The following ELF2 variants were observed in gnomAD, a reference collection of about 807,000 sequenced individuals.
The protein encoded by ELF2 is ETS-related transcription factor Elf-2.
Under a neutral mutation model 54.8 loss-of-function variants are expected in ELF2, and 11 were observed. That is an observed-to-expected ratio of 0.20 (90% CI 0.13 to 0.33). The LOEUF is 0.33. ELF2 is among the 10% of genes least tolerant of loss of function. ELF2 has a pLI of 1.00. For missense variants in ELF2, 513 were observed against 703.0 expected, an observed-to-expected ratio of 0.73 and a Z score of 3.06; for synonymous variants, 203 against 245.1, an observed-to-expected ratio of 0.83 and a Z score of 1.61.
chr4:139,096,409 G>T (rs1733296943), intron 4 of ELF2, among the ~76,000 whole-genome samples: 1 of 151,990 alleles, frequency 6.6e-6, no homozygotes, highest in South Asian at 2.1e-4. Flanking sequence ...TAAGATTAAA[G>T]AAATTGAATG....
At chr4:139,105,292 T>C (rs771508317) in intron 4 of ELF2, among the ~76,000 whole-genome samples, 7 of 152,230 alleles carry the variant, frequency 4.6e-5, no homozygotes, top group Non-Finnish European at 8.8e-5. Flanking sequence ...TTTTGTCCAC[T>C]AGATTCTAAG....
intron 1 of ELF2, among the ~76,000 whole-genome samples, chr4:139,162,349 C>A (rs941111495): frequency 6.6e-6 from 1 of 151,946 alleles, no homozygotes; most frequent in Admixed American, 6.6e-5. Context: ...CTGGCCAACA[C>A]GGTGAAACCC....
intron 4 of ELF2, among the ~76,000 whole-genome samples, chr4:139,119,709 A>T (rs1299328772): frequency 6.6e-6 from 1 of 152,158 alleles, no homozygotes; most frequent in Non-Finnish European, 1.5e-5. Flanking sequence ...TCCTTAAATT[A>T]TCCTAATTTT....
chr4:139,148,120 T>C (rs1385500884), intron 1 of ELF2, among the ~76,000 whole-genome samples: 1 of 146,908 alleles, frequency 6.8e-6, no homozygotes, highest in East Asian at 2.0e-4. Context: ...AAAAAATTAA[T>C]GTACTTTCTA....
intron 3 of ELF2, among the ~76,000 whole-genome samples, chr4:139,134,174 G>A (rs1035200356): frequency 1.3e-5 from 2 of 152,022 alleles, no homozygotes; most frequent in African/African-American, 4.8e-5. Context: ...ATGAATAGGT[G>A]TTAATTTTTG....
At chr4:139,109,264 T>C (rs1734723640) in intron 4 of ELF2, among the ~76,000 whole-genome samples, 1 of 152,218 alleles carries the variant, frequency 6.6e-6, no homozygotes, top group Non-Finnish European at 1.5e-5. Context: ...TAACCCACAG[T>C]ATTTAACTGT....
At position 139,059,441 on chromosome 4, in the gene ELF2, T is replaced by A. The variant is rs754939284; in HGVS notation, c.1324A>T (p.Met442Leu). The change falls in exon 10 of 10, where the codon ATG becomes TTG. Residue 442 changes from methionine to leucine, a missense_variant. Around this residue, in one of 3 missense-constraint regions of ELF2, gnomAD observed 291 missense variants for 366.1 expected, o/e 0.79. Coordinates refer to ENST00000686138, the MANE Select transcript of ELF2 (RefSeq NM_001331036.3). ...KVVIQTIPTVMPASTENGDKI... is the reference protein window; with the variant it reads ...KVVIQTIPTVLPASTENGDKI... Reference sequence around the variant, plus strand: ...TCTCCATTTTCAGTAGAAGCTGGCATCACAGTAGGGATTGTCTGAATGACT... The same window carrying A: ...TCTCCATTTTCAGTAGAAGCTGGCAACACAGTAGGGATTGTCTGAATGACT... The A allele has an allele frequency of 3.7e-6, 6 of 1,613,990 alleles. No homozygotes were observed. The highest frequency in any genetic ancestry group is 4.2e-6 in the Non-Finnish European group (5 of 1,179,864).
intron 4 of ELF2, 34 bp from the exon 5 acceptor site, chr4:139,073,601 T>C: frequency 7.7e-7 from 1 of 1,294,802 alleles, no homozygotes; most frequent in Non-Finnish European, 1.1e-6. Flanking sequence ...CAATTAAAAA[T>C]ACACTAAACA....
intron 4 of ELF2, among the ~76,000 whole-genome samples, chr4:139,121,211 C>G (rs1414476386): frequency 2.7e-5 from 4 of 148,890 alleles, no homozygotes; most frequent in Non-Finnish European, 5.9e-5. Flanking sequence ...CGGGTTCACG[C>G]CATTCTCCTG....
At chr4:139,068,072 G>A (rs1307500350) in intron 6 of ELF2, among the ~76,000 whole-genome samples, 1 of 151,878 alleles carries the variant, frequency 6.6e-6, no homozygotes, top group South Asian at 2.1e-4. Flanking sequence ...TGTCGCCCAG[G>A]CTGGAGTGCA....
At chr4:139,115,141 T>G (rs1735512733) in intron 4 of ELF2, 1 of 1,613,476 alleles carries the variant, frequency 6.2e-7, no homozygotes, top group Non-Finnish European at 8.5e-7. Context: ...GCGCGTGAGC[T>G]GCTCCAGGAT....
intron 3 of ELF2, among the ~76,000 whole-genome samples, chr4:139,126,801 C>A (rs1052435210): frequency 1.6e-4 from 25 of 152,238 alleles, no homozygotes; most frequent in African/African-American, 6.0e-4. Flanking sequence ...TTTCCTTTCT[C>A]AAGAAGATAC....
At chr4:139,169,859 A>C (rs1483047593) in intron 1 of ELF2, among the ~76,000 whole-genome samples, 1 of 96,530 alleles carries the variant, frequency 1.0e-5, no homozygotes, top group African/African-American at 3.3e-5. Flanking sequence ...TCTTGTCTTA[A>C]AAAAAAAAAA....
intron 1 of ELF2, among the ~76,000 whole-genome samples, chr4:139,151,030 A>AC (rs1560870894): frequency 1.6e-5 from 2 of 124,674 alleles, no homozygotes; most frequent in Admixed American, 1.7e-4. Flanking sequence ...TCTCAAAAAA[A>AC]AAAAAGAAAG....
rs1734133778 is a variant in ELF2, at chr4:139,103,620, C to A, written c.238+21544G>T. Among the ~76,000 whole-genome samples the A allele has an allele frequency of 7.9e-5, 12 of 152,360 alleles. No homozygotes were observed. The South Asian group carries it at 2.5e-3, about 32-fold the overall frequency. On this transcript the variant is annotated intron_variant, in intron 4 of 9. Transcript: ENST00000686138. ...CCAATACTTCACGCCCTATGCATTT[C>A]TTCATCTGTATCCTTTAAATATCCT...
At chr4:139,148,666 T>C (rs943782536) in intron 1 of ELF2, among the ~76,000 whole-genome samples, 2 of 152,150 alleles carry the variant, frequency 1.3e-5, no homozygotes, top group Admixed American at 6.5e-5. Context: ...TTTTTTTTTT[T>C]TACCATTGTG....
chr4:139,086,757 C>T (rs1054010835), intron 4 of ELF2, among the ~76,000 whole-genome samples: 2 of 152,042 alleles, frequency 1.3e-5, no homozygotes, highest in Non-Finnish European at 2.9e-5. Flanking sequence ...CACAAGACTG[C>T]TTATATATGA....
chr4:139,155,886 G>A (rs1740473989), intron 1 of ELF2, among the ~76,000 whole-genome samples: 1 of 151,976 alleles, frequency 6.6e-6, no homozygotes. Flanking sequence ...CTTACTTTAG[G>A]AATAAATAAT....
At chr4:139,156,040 T>A (rs1740492746) in intron 1 of ELF2, among the ~76,000 whole-genome samples, 1 of 152,232 alleles carries the variant, frequency 6.6e-6, no homozygotes, top group Non-Finnish European at 1.5e-5. Context: ...AACTTGCCAA[T>A]CATAAAAATA....
Sources: allele counts gnomAD v4.1 joint callset (sites outside exome capture counted in the v4.1 genomes callset), GRCh38; gene constraint gnomAD v4.1.1; regional missense constraint gnomAD v4.1.1; transcripts MANE v1.5; gene names NCBI Gene and HGNC (gene_info 2026-07-23, HGNC 2026-07-21).